FRMPD4: variants seen among roughly 807,000 people sequenced by gnomAD.
FRMPD4 encodes the protein FERM and PDZ domain-containing protein 4.
A neutral mutation model predicts 94.1 loss-of-function variants in FRMPD4; 22 were observed. The observed-to-expected ratio is 0.23, with a 90% confidence interval of 0.17 to 0.33. FRMPD4 has a LOEUF of 0.33. Ranked by LOEUF, FRMPD4 falls within the 10% of genes least tolerant of loss-of-function variation. FRMPD4 has a pLI of 1.00. For missense variants in FRMPD4, 1,111 were observed against 1,339.9 expected, an observed-to-expected ratio of 0.83 and a Z score of 2.67; for synonymous variants, 631 against 548.6, an observed-to-expected ratio of 1.15 and a Z score of -2.10.
chrX:12,561,281 G>C (rs1358989392), intron 2 of FRMPD4, among the ~76,000 whole-genome samples: 1 of 112,352 alleles, frequency 8.9e-6, no homozygotes, highest in Non-Finnish European at 1.9e-5. Flanking sequence ...GTTAAAACAT[G>C]TTTTCCCATT....
At chrX:12,174,553 C>A (rs777426174) in intron 1 of FRMPD4, among the ~76,000 whole-genome samples, 1 of 111,838 alleles carries the variant, frequency 8.9e-6, no homozygotes, top group African/African-American at 3.3e-5. Flanking sequence ...CCCTGGCTTC[C>A]TCTCTACTCC....
intron 2 of FRMPD4, among the ~76,000 whole-genome samples, chrX:12,547,072 G>A (rs776357041): frequency 2.9e-5 from 3 of 103,548 alleles, no homozygotes; most frequent in Non-Finnish European, 5.9e-5. Flanking sequence ...TGACATATAT[G>A]GCTGTTATGG....
At chrX:12,688,745 C>CTTTTTTTT (rs371548205) in intron 7 of FRMPD4, among the ~76,000 whole-genome samples, 1 of 92,042 alleles carries the variant, frequency 1.1e-5, no homozygotes, top group African/African-American at 4.0e-5. Context: ...GCAGGGAAAT[C>CTTTTTTTT]TTTTTTTTTT....
At chrX:11,993,964 T>C (rs1051445581) in intron 3 of FRMPD4, among the ~76,000 whole-genome samples, 3 of 111,472 alleles carry the variant, frequency 2.7e-5, no homozygotes, top group Non-Finnish European at 5.7e-5. Context: ...TATGTACTAA[T>C]AGCAACTGCA....
chrX:12,228,061 C>A (rs1172302001), intron 1 of FRMPD4, among the ~76,000 whole-genome samples: 2 of 112,326 alleles, frequency 1.8e-5, no homozygotes, highest in Non-Finnish European at 3.8e-5. Context: ...ATCAATTACC[C>A]ATTGCAGTGC....
chrX:12,481,668 G>A (rs773250504), intron 1 of FRMPD4, among the ~76,000 whole-genome samples: 4 of 109,426 alleles, frequency 3.7e-5, no homozygotes, highest in African/African-American at 6.6e-5. Flanking sequence ...GGGGCCCGGC[G>A]CGGTGGCTAA....
chrX:12,590,761 G>A (rs971488382), intron 2 of FRMPD4, among the ~76,000 whole-genome samples: 1 of 111,506 alleles, frequency 9.0e-6, no homozygotes, highest in Non-Finnish European at 1.9e-5. Context: ...TGCCAAGGCT[G>A]CCTCTATCAG....
rs868632641 is a variant in FRMPD4 at position 12,717,627 on chromosome X, G to A, written c.2801G>A (p.Arg934His). 5.0e-6 allele frequency: 6 copies of A among 1,209,208 alleles called. No individual in the cohort carries two copies. The highest frequency in any genetic ancestry group is 4.3e-5 in the Admixed American group (2 of 46,052). The stretch of plus-strand genomic sequence containing the variant: ...CAAAAACAGTCAGAAAACCTCTCCC[G>A]CATGTTCTTGGCCACTCACGAAGGC... ...TAQKQSENLS[R>H]MFLATHEGYH... is the part of the protein sequence containing the mutation. Residue 934 changes from arginine to histidine, a missense_variant, in exon 16 of 17, where the codon CGC becomes CAC. This residue lies in a region of FRMPD4 where 551 missense variants were observed against 591.6 expected (regional missense o/e 0.93). Coordinates refer to ENST00000675598, the MANE Select transcript of FRMPD4 (RefSeq NM_001368397.1).
intron 3 of FRMPD4, among the ~76,000 whole-genome samples, chrX:11,900,934 G>A (rs748897585): frequency 9.0e-6 from 1 of 111,149 alleles, no homozygotes; most frequent in African/African-American, 3.3e-5. Flanking sequence ...CTTCCTTCAA[G>A]TTGTTCCCCC....
intron 3 of FRMPD4, among the ~76,000 whole-genome samples, chrX:12,030,097 A>G (rs1364293483): frequency 2.7e-5 from 3 of 112,163 alleles, no homozygotes; most frequent in African/African-American, 9.7e-5. Flanking sequence ...CCTTTATGCT[A>G]TTGTGGTAAC....
intron 3 of FRMPD4, among the ~76,000 whole-genome samples, chrX:12,131,111 G>A (rs1351912371): frequency 4.5e-5 from 5 of 111,682 alleles, no homozygotes; most frequent in Non-Finnish European, 9.4e-5. Flanking sequence ...GAGCAAAACG[G>A]GTGAGAGAGG....
chrX:12,415,916 T>A (rs1028231298), intron 1 of FRMPD4, among the ~76,000 whole-genome samples: 1 of 112,690 alleles, frequency 8.9e-6, no homozygotes, highest in Non-Finnish European at 1.9e-5. Context: ...CAGCTGATGC[T>A]GAACTTTCAG....
intron 2 of FRMPD4, among the ~76,000 whole-genome samples, chrX:12,565,064 G>A (rs143973162): frequency 0.024 from 2,145 of 90,782 alleles, 27 homozygotes; most frequent in Non-Finnish European, 0.036. Context: ...TCCAGCCTGG[G>A]TGACAGAGAG....
intron 7 of FRMPD4, among the ~76,000 whole-genome samples, chrX:12,689,171 T>C (rs1369886203): frequency 1.8e-4 from 20 of 111,857 alleles, no homozygotes. Context: ...AGGGATCATT[T>C]ACCAGTTTTC....
intron 2 of FRMPD4, chrX:12,583,606 G>C (rs1291398905): frequency 1.9e-6 from 1 of 536,488 alleles, no homozygotes; most frequent in Non-Finnish European, 2.9e-6. Flanking sequence ...TGCTGGTAAA[G>C]CCTCGCACCT....
intron 3 of FRMPD4, among the ~76,000 whole-genome samples, chrX:12,096,855 C>G (rs939796882): frequency 9.0e-6 from 1 of 111,351 alleles, no homozygotes; most frequent in African/African-American, 3.3e-5. Context: ...CCACTGCACT[C>G]CAGCCTGGGT....
chrX:12,523,915 G>A (rs920985559), intron 2 of FRMPD4, among the ~76,000 whole-genome samples: 1 of 111,091 alleles, frequency 9.0e-6, no homozygotes. Flanking sequence ...AGCACTTTGG[G>A]AAGTCAAGGT....
chrX:12,142,277 G>A (rs1380701121), intron 1 of FRMPD4, among the ~76,000 whole-genome samples: 2 of 111,750 alleles, frequency 1.8e-5, no homozygotes, highest in African/African-American at 6.5e-5. Flanking sequence ...TTTCTTACAA[G>A]TATCTTATAT....
Position 12,086,089 on chromosome X carries a change from ATGTGTGTG to A in FRMPD4, c.95+208088_95+208095del, listed in dbSNP as rs766015576. On this transcript the variant is annotated intron_variant, in intron 3 of 18. Coordinates refer to the FRMPD4 transcript ENST00000640291. ...CCTGTGTCTGTGTGCGTGTGTGTGT[ATGTGTGTG>A]TGTGTGTGTGTGTGTGAATGCTTTT... is the stretch of plus-strand genomic sequence containing the variant. 1.8e-4 allele frequency among the ~76,000 whole-genome samples: 11 copies of A among 62,718 alleles called. No homozygotes were observed. The East Asian group carries it at 3.2e-3, about 18-fold the overall frequency. 54.5% of individuals were successfully genotyped at this position (62,718 alleles called of 115,157 possible). A position where few individuals can be genotyped will look rare whatever the true frequency, so the allele number is the denominator to read the frequency against.
Sources: allele counts gnomAD v4.1 joint callset (sites outside exome capture counted in the v4.1 genomes callset), GRCh38; gene constraint gnomAD v4.1.1; regional missense constraint gnomAD v4.1.1; transcripts MANE v1.5; gene names NCBI Gene and HGNC (gene_info 2026-07-23, HGNC 2026-07-21).